Variants in ZNF385D observed in about 807,000 individuals in gnomAD.
ZNF385D encodes zinc finger protein 385D.
Under a neutral mutation model 35.8 loss-of-function variants are expected in ZNF385D, and 15 were observed. The observed-to-expected ratio is 0.42, with a 90% CI of 0.28 to 0.64. The LOEUF (loss-of-function observed/expected upper bound fraction) is 0.64. Ranked by LOEUF, ZNF385D falls within the 30% of genes least tolerant of loss-of-function variation. The pLI, the probability that ZNF385D is intolerant of heterozygous loss-of-function variation, is 0.23. For synonymous variants in ZNF385D, 212 were observed against 186.8 expected (o/e 1.13, Z -1.10); for missense variants, 474 against 494.6 (o/e 0.96, Z 0.39).
chr3:22,253,178 A>C (rs1254800483), intron 2 of ZNF385D, among the ~76,000 whole-genome samples: 1 of 152,018 alleles, frequency 6.6e-6, no homozygotes, highest in African/African-American at 2.4e-5. Flanking sequence ...ACGAAATCAC[A>C]TTGGAGGGTA....
intron 3 of ZNF385D, among the ~76,000 whole-genome samples, chr3:22,124,578 G>C (rs1341013166): frequency 6.6e-6 from 1 of 152,088 alleles, no homozygotes; most frequent in Non-Finnish European, 1.5e-5. Flanking sequence ...ATTCTCGCCA[G>C]AATTCATTAT....
chr3:22,272,369 A>G (rs887290154), intron 2 of ZNF385D, among the ~76,000 whole-genome samples: 1 of 150,880 alleles, frequency 6.6e-6, no homozygotes, highest in Non-Finnish European at 1.5e-5. Flanking sequence ...TAAACTTAGA[A>G]TTCTAAATTA....
intron 3 of ZNF385D, among the ~76,000 whole-genome samples, chr3:21,906,013 C>G (rs1336471377): frequency 6.6e-6 from 1 of 152,036 alleles, no homozygotes; most frequent in Non-Finnish European, 1.5e-5. Flanking sequence ...GGTTCAAGTC[C>G]CATAAAAAGG....
At chr3:21,455,013 G>C (rs1243119516) in intron 4 of ZNF385D, among the ~76,000 whole-genome samples, 2 of 152,026 alleles carry the variant, frequency 1.3e-5, no homozygotes, top group Non-Finnish European at 2.9e-5. Flanking sequence ...AAATACCCAG[G>C]AATCCAACTT....
At chr3:21,597,555 C>T (rs1049367345) in intron 2 of ZNF385D, among the ~76,000 whole-genome samples, 2 of 151,960 alleles carry the variant, frequency 1.3e-5, no homozygotes, top group Admixed American at 6.6e-5. Flanking sequence ...AAATGGAAAA[C>T]AGTTTTAAAG....
chr3:21,817,870 C>G lies in ZNF385D; in HGVS notation c.326-152842G>C, dbSNP rs190946831. ...CGTAAATCATGCTGCTATAAAGACACATGCACAGGTATGTTTATTGTGGCA... is the reference window on the plus strand; with the variant it reads ...CGTAAATCATGCTGCTATAAAGACAGATGCACAGGTATGTTTATTGTGGCA... On this transcript the variant is annotated intron_variant, in intron 3 of 5. Coordinates refer to the ZNF385D transcript ENST00000494108. Among the ~76,000 whole-genome samples the G allele has an allele frequency of 6.6e-5, 10 of 152,282 alleles. No individual in the cohort carries two copies. In the East Asian group the frequency reaches 1.9e-3, roughly 29 times the overall value.
chr3:21,681,698 G>GAAAAAAAAAAAAAAAAAAAAAAAAAAGAA (rs5847124), intron 1 of ZNF385D, among the ~76,000 whole-genome samples: 1 of 133,222 alleles, frequency 7.5e-6, no homozygotes, highest in Admixed American at 7.5e-5. Context: ...AAAAAAAAAC[G>GAAAAAAAAAAAAAAAAAAAAAAAAAAGAA]AAAAAAAAAA....
chr3:21,777,573 C>T (rs138554108), intron 3 of ZNF385D: 7 of 151,924 alleles, frequency 4.6e-5, no homozygotes, highest in Non-Finnish European at 8.8e-5. Context: ...GAACTTCATA[C>T]TTAAATTCAT....
At chr3:22,091,683 C>T (rs928315434) in intron 3 of ZNF385D, among the ~76,000 whole-genome samples, 1 of 152,150 alleles carries the variant, frequency 6.6e-6, no homozygotes, top group African/African-American at 2.4e-5. Context: ...AGACACAGAG[C>T]CCCCCGACTG....
intron 1 of ZNF385D, among the ~76,000 whole-genome samples, chr3:21,741,760 C>G (rs144170484): frequency 7.2e-4 from 110 of 152,144 alleles, no homozygotes; most frequent in Non-Finnish European, 1.0e-3. Context: ...TATTAATAAA[C>G]TCTCTCAGTT....
chr3:21,984,914 T>A (rs1694720685), intron 3 of ZNF385D, among the ~76,000 whole-genome samples: 1 of 144,360 alleles, frequency 6.9e-6, no homozygotes. Flanking sequence ...AGGTATTTTA[T>A]TGTCTTTGAA....
intron 3 of ZNF385D, among the ~76,000 whole-genome samples, chr3:21,532,732 GT>G (rs2061953525): frequency 6.7e-6 from 1 of 149,928 alleles, no homozygotes; most frequent in Non-Finnish European, 1.5e-5. Flanking sequence ...TCTGTTTCAT[GT>G]TTTTGTTTAT....
chr3:22,132,474 A>C (rs1292790823), intron 3 of ZNF385D, among the ~76,000 whole-genome samples: 1 of 152,182 alleles, frequency 6.6e-6, no homozygotes, highest in African/African-American at 2.4e-5. Context: ...TACACAATTT[A>C]AGCTGAATAA....
At chr3:21,774,282 G>A (rs1162113951) in intron 3 of ZNF385D, among the ~76,000 whole-genome samples, 1 of 151,694 alleles carries the variant, frequency 6.6e-6, no homozygotes, top group African/African-American at 2.4e-5. Flanking sequence ...GGTGGGGGTG[G>A]TGAGAGGAGG....
chr3:22,225,622 G>C (rs1698509959), intron 2 of ZNF385D, among the ~76,000 whole-genome samples: 1 of 152,140 alleles, frequency 6.6e-6, no homozygotes, highest in Non-Finnish European at 1.5e-5. Context: ...TGTGGTAGCT[G>C]CATTATAACA....
Position 21,495,195 on chromosome 3 carries a change from C to T in ZNF385D, c.439+15666G>A, listed in dbSNP as rs561368908. ...AACCTCGAGTTCCATCAGTCAGACT[C>T]AAATCCCTATTTCAGTGAAGGGTAA... is the stretch of plus-strand genomic sequence containing the variant. On this transcript the variant is annotated intron_variant, in intron 4 of 7. Transcript: ENST00000281523. Among the ~76,000 whole-genome samples, 46 of 151,046 alleles carry T rather than the reference C, an allele frequency of 3.0e-4. 1 individual carries two copies. The South Asian group carries it at 5.6e-3, about 18-fold the overall frequency.
At chr3:22,264,938 T>C (rs1368098239) in intron 2 of ZNF385D, among the ~76,000 whole-genome samples, 1 of 151,962 alleles carries the variant, frequency 6.6e-6, no homozygotes, top group Non-Finnish European at 1.5e-5. Context: ...CTGGGTTCTG[T>C]AGTAGCCTCA....
intron 3 of ZNF385D, among the ~76,000 whole-genome samples, chr3:22,130,090 T>C (rs1271831558): frequency 6.6e-6 from 1 of 152,082 alleles, no homozygotes; most frequent in Non-Finnish European, 1.5e-5. Context: ...TTTGTGGCCC[T>C]GGGTGGGTCT....
At chr3:22,036,752 T>G (rs1698349896) in intron 3 of ZNF385D, among the ~76,000 whole-genome samples, 1 of 151,174 alleles carries the variant, frequency 6.6e-6, no homozygotes, top group Non-Finnish European at 1.5e-5. Flanking sequence ...AGGGTACATG[T>G]GCACAACGTG....
Sources: allele counts gnomAD v4.1 joint callset (sites outside exome capture counted in the v4.1 genomes callset), GRCh38; gene constraint gnomAD v4.1.1; transcripts MANE v1.5; gene names NCBI Gene and HGNC (gene_info 2026-07-23, HGNC 2026-07-21).